The following GPT2 variants were observed in gnomAD, a reference collection of about 807,000 sequenced individuals.
The protein encoded by GPT2 is alanine aminotransferase 2.
Under a neutral mutation model 56.9 loss-of-function variants are expected in GPT2, and 30 were observed. The observed-to-expected ratio is 0.53, with a 90% CI of 0.39 to 0.72. The LOEUF is 0.72. Among genes scored for constraint, GPT2 ranks in the 30% least tolerant of loss-of-function variants. The probability of loss-of-function intolerance (pLI) is 0.00; values close to 1 mark genes in which losing one functional copy is unlikely to be tolerated. For synonymous variants in GPT2, 271 were observed against 283.1 expected, an observed-to-expected ratio of 0.96 and a Z score of 0.43; for missense variants, 542 against 703.4, an observed-to-expected ratio of 0.77 and a Z score of 2.60.
intron 6 of GPT2, among the ~76,000 whole-genome samples, chr16:46,914,752 G>T (rs759491277): frequency 6.6e-6 from 1 of 152,132 alleles, no homozygotes; most frequent in Non-Finnish European, 1.5e-5. Context: ...GAGAGGCCTT[G>T]TCCCTGCCTT....
chr16:46,923,916 T>G, intron 9 of GPT2: 1 of 279,118 alleles, frequency 3.6e-6, no homozygotes. Flanking sequence ...ACAACTGGTT[T>G]TTCTCATTTT....
intron 6 of GPT2, chr16:46,915,649 A>G (rs934025310): frequency 3.4e-5 from 5 of 148,160 alleles, no homozygotes; most frequent in African/African-American, 1.3e-4. Context: ...ACCTGCACAC[A>G]TTACACACCA....
chr16:46,916,673 C>A lies in GPT2; in HGVS notation c.866C>A (p.Ala289Asp). Residue 289 changes from alanine (A) to aspartate (D), a missense_variant, in exon 7 of 12, where the codon GCC (alanine) becomes GAC (aspartate). Physicochemically the swap from Ala to Asp is moderately radical, Grantham distance 126. Coordinates refer to ENST00000340124, the MANE Select transcript of GPT2 (RefSeq NM_133443.4). ...RKCIEDVIHF[A>D]WEEKLFLLAD... ...TGCATAGAAGATGTGATCCACTTTG[C>A]CTGGGAAGAGAAGCTCTTTCTCCTG... The A allele has an allele frequency of 6.2e-7, 1 of 1,613,828 alleles. No individual in the cohort carries two copies. The highest frequency in any genetic ancestry group is 8.5e-7 in the Non-Finnish European group (1 of 1,179,730).
At position 46,906,703 on chromosome 16, in the gene GPT2, C is replaced by A. The variant is rs557658556; in HGVS notation, c.443-139C>A. 1.5e-4 allele frequency: 173 copies of A among 1,118,286 alleles called. 1 individual carries two copies. The highest frequency in any genetic ancestry group is 2.1e-4 in the Non-Finnish European group (165 of 769,910). The allele number at this position is 1,118,286 out of a possible 1,614,324, so 69.3% of individuals were successfully genotyped here. On this transcript the variant is annotated intron_variant, in intron 4 of 11. Coordinates refer to ENST00000340124, the MANE Select transcript of GPT2 (RefSeq NM_133443.4). Reference sequence around the variant, plus strand: ...GGTGGTTAAGCAGTTTCCCACAGTTCCAAAGCAATGGGAGTTGGGCCCCAC... The same window carrying A: ...GGTGGTTAAGCAGTTTCCCACAGTTACAAAGCAATGGGAGTTGGGCCCCAC...
chr16:46,899,014 T>C (rs1339338865), intron 3 of GPT2, among the ~76,000 whole-genome samples: 2,371 of 7,722 alleles, frequency 0.31, 289 homozygotes, highest in Non-Finnish European at 0.49. Context: ...TATATATATA[T>C]ATATATATAT....
chr16:46,919,043 G>A (rs754297581), intron 8 of GPT2, among the ~76,000 whole-genome samples: 17 of 152,222 alleles, frequency 1.1e-4, no homozygotes, highest in Non-Finnish European at 2.4e-4. Context: ...CACTTGTTCC[G>A]AGGTTGACTG....
At chr16:46,909,309 T>A (rs1960996517) in intron 5 of GPT2, among the ~76,000 whole-genome samples, 1 of 151,812 alleles carries the variant, frequency 6.6e-6, no homozygotes, top group Admixed American at 6.6e-5. Context: ...AAAAGAAAAA[T>A]AATATTTTTA....
chr16:46,886,503 C>T (rs1289429937), intron 2 of GPT2, among the ~76,000 whole-genome samples: 1 of 152,210 alleles, frequency 6.6e-6, no homozygotes, highest in Non-Finnish European at 1.5e-5. Flanking sequence ...GAGTCCCCTT[C>T]CCCGGATTCT....
intron 4 of GPT2, 131 bp downstream of exon 4, chr16:46,900,921 G>A: frequency 4.5e-6 from 3 of 665,964 alleles, no homozygotes; most frequent in Admixed American, 5.1e-5. Context: ...AGCACACAGA[G>A]TAAACAAAAA....
At chr16:46,910,719 C>T (rs1567339294) in intron 6 of GPT2, among the ~76,000 whole-genome samples, 1 of 152,170 alleles carries the variant, frequency 6.6e-6, no homozygotes, top group Non-Finnish European at 1.5e-5. Context: ...TCTCAGCCTC[C>T]TGAGTAGCTC....
Position 46,920,811 on chromosome 16 carries a change from A to G in GPT2, c.1038-1431A>G, listed in dbSNP as rs114039963. Among the ~76,000 whole-genome samples, 502 of 151,252 alleles carry G rather than the reference A, an allele frequency of 3.3e-3. 2 individuals carry two copies. The highest frequency in any genetic ancestry group is 0.012 in the African/African-American group (487 of 41,162). On this transcript the variant is annotated intron_variant, in intron 8 of 11. Transcript: ENST00000340124. ...TTGCTCTGTAGCTCTTTTCCTAAAC[A>G]AATCTGTTCTCGGTGAACTCAGTTT... is the stretch of plus-strand genomic sequence containing the variant.
intron 4 of GPT2, among the ~76,000 whole-genome samples, chr16:46,906,151 G>T (rs191324374): frequency 2.6e-5 from 4 of 151,982 alleles, no homozygotes; most frequent in South Asian, 2.1e-4. Context: ...ATAGCTCACC[G>T]CAGCCTCTAC....
chr16:46,908,758 C>T (rs1314127530), intron 5 of GPT2, among the ~76,000 whole-genome samples: 2 of 152,124 alleles, frequency 1.3e-5, no homozygotes, highest in Non-Finnish European at 2.9e-5. Flanking sequence ...CCCAGAAATG[C>T]CCAGTGTGGG....
chr16:46,888,429 C>G (rs1447180523), intron 2 of GPT2, among the ~76,000 whole-genome samples: 1 of 152,186 alleles, frequency 6.6e-6, no homozygotes, highest in Admixed American at 6.5e-5. Flanking sequence ...TCACTGCAAC[C>G]TCCGCCTCCC....
chr16:46,905,498 T>G (rs1960906215), intron 4 of GPT2, among the ~76,000 whole-genome samples: 1 of 152,180 alleles, frequency 6.6e-6, no homozygotes, highest in South Asian at 2.1e-4. Flanking sequence ...TAGTCTGGTT[T>G]TCTTTAAATG....
intron 6 of GPT2, 122 bp downstream of exon 6, chr16:46,910,049 G>T: frequency 7.5e-7 from 1 of 1,338,542 alleles, no homozygotes. Flanking sequence ...TTCCAGATTT[G>T]CTAACCTAAA....
rs577086995 is a variant in GPT2 at position 46,891,966 on chromosome 16, C to T, written c.244-5682C>T. 5.3e-5 allele frequency among the ~76,000 whole-genome samples: 8 copies of T among 150,096 alleles called. No individual in the cohort carries two copies. The South Asian group carries it at 1.1e-3, about 20-fold the overall frequency. Reference sequence around the variant, plus strand: ...ACCATCCTTCTATGCTCCATCTTCACGAGTTCAGTTTTTAAAATTTTTTAG... The same window carrying T: ...ACCATCCTTCTATGCTCCATCTTCATGAGTTCAGTTTTTAAAATTTTTTAG... On this transcript the variant is annotated intron_variant, in intron 2 of 11. Coordinates refer to ENST00000340124, the MANE Select transcript of GPT2 (RefSeq NM_133443.4).
At chr16:46,919,838 G>C (rs1961250349) in intron 8 of GPT2, among the ~76,000 whole-genome samples, 1 of 152,128 alleles carries the variant, frequency 6.6e-6, no homozygotes, top group Non-Finnish European at 1.5e-5. Flanking sequence ...GATGGGGAGA[G>C]GATCCTGGAT....
chr16:46,903,932 A>G (rs1960870154), intron 4 of GPT2, among the ~76,000 whole-genome samples: 1 of 152,224 alleles, frequency 6.6e-6, no homozygotes, highest in African/African-American at 2.4e-5. Flanking sequence ...ATGGAGAGGA[A>G]GAGCTTAAGG....
Sources: allele counts gnomAD v4.1 joint callset (sites outside exome capture counted in the v4.1 genomes callset), GRCh38; gene constraint gnomAD v4.1.1; transcripts MANE v1.5; gene names NCBI Gene and HGNC (gene_info 2026-07-23, HGNC 2026-07-21).